Variants in CASR observed in about 807,000 individuals in gnomAD.
CASR encodes the protein extracellular calcium-sensing receptor.
CASR carries 23 observed loss-of-function variants against 69.1 expected under a neutral mutation model. The ratio of observed to expected loss-of-function variants is 0.33; its 90% CI spans 0.24 to 0.47. The LOEUF (loss-of-function observed/expected upper bound fraction) is 0.47. CASR is among the 20% of genes least tolerant of loss of function. The pLI is 1.00. For missense variants in CASR, 924 were observed against 1,356.1 expected (o/e 0.68, Z 5.00); for synonymous variants, 541 against 544.7 (o/e 0.99, Z 0.10).
At chr3:122,192,698 C>CT (rs995465934) in intron 1 of CASR, among the ~76,000 whole-genome samples, 13 of 152,320 alleles carry the variant, frequency 8.5e-5, no homozygotes, top group African/African-American at 3.1e-4. Context: ...GGCTCTCAAA[C>CT]TTTAAGGTGG....
At chr3:122,283,616 C>T in intron 6 of CASR, 71 bp from the exon 7 acceptor site, 1 of 1,244,198 alleles carries the variant, frequency 8.0e-7, no homozygotes, top group East Asian at 2.3e-5. Context: ...GTATTCCCAC[C>T]ACCACATGTA....
At chr3:122,244,874 G>A (rs1420619034) in intron 1 of CASR, among the ~76,000 whole-genome samples, 1 of 152,108 alleles carries the variant, frequency 6.6e-6, no homozygotes, top group Non-Finnish European at 1.5e-5. Context: ...ATATTTCAAA[G>A]GATATACAGT....
intron 1 of CASR, among the ~76,000 whole-genome samples, chr3:122,203,805 A>C (rs2073980242): frequency 6.6e-6 from 1 of 152,220 alleles, no homozygotes; most frequent in South Asian, 2.1e-4. Flanking sequence ...ATGTGATAGG[A>C]ATTTTTTAGC....
In CASR at chr3:122,252,604, C is replaced by T. The variant is rs571332365; in HGVS notation, c.-242-1344C>T. Among the ~76,000 whole-genome samples, 229 of 151,148 alleles carry T rather than the reference C, an allele frequency of 1.5e-3. 1 individual carries two copies. The highest frequency in any genetic ancestry group is 5.3e-3 in the African/African-American group (217 of 41,176). On this transcript the variant is annotated intron_variant, in intron 1 of 6. Transcript: ENST00000639785. The stretch of plus-strand genomic sequence containing the variant: ...GGACTAAAAATAATCTTGGAAATGG[C>T]GAGGAGTAAATGGATTCCAGAGAGA...
At chr3:122,281,686 T>C (rs1375512364) in intron 5 of CASR, among the ~76,000 whole-genome samples, 1 of 152,238 alleles carries the variant, frequency 6.6e-6, no homozygotes, top group Non-Finnish European at 1.5e-5. Flanking sequence ...TAGATTTGTC[T>C]AATATTAGAC....
intron 1 of CASR, among the ~76,000 whole-genome samples, chr3:122,189,110 G>A (rs183002575): frequency 7.0e-4 from 107 of 152,338 alleles, no homozygotes; most frequent in African/African-American, 2.5e-3. Flanking sequence ...AGAGCCAAAT[G>A]AGTGAGATGG....
chr3:122,230,664 A>G (rs1330027052), intron 1 of CASR, among the ~76,000 whole-genome samples: 1 of 152,178 alleles, frequency 6.6e-6, no homozygotes, highest in Non-Finnish European at 1.5e-5. Flanking sequence ...TTCCAAATCC[A>G]GTCTCTTCCA....
intron 1 of CASR, among the ~76,000 whole-genome samples, chr3:122,223,072 G>A (rs751598551): frequency 6.6e-6 from 1 of 152,170 alleles, no homozygotes; most frequent in Non-Finnish European, 1.5e-5. Flanking sequence ...CTAAAGCAGT[G>A]TTAAGAGGAA....
chr3:122,224,119 T>A (rs2074199793), intron 1 of CASR, among the ~76,000 whole-genome samples: 1 of 152,208 alleles, frequency 6.6e-6, no homozygotes, highest in Admixed American at 6.5e-5. Context: ...CATTTTCTCT[T>A]GAGAACTGGA....
At chr3:122,199,152 C>A (rs557356001) in intron 1 of CASR, among the ~76,000 whole-genome samples, 69 of 152,276 alleles carry the variant, frequency 4.5e-4, no homozygotes, top group African/African-American at 1.7e-3. Flanking sequence ...ATACATCTTT[C>A]CCCATACATA....
chr3:122,195,413 C>T (rs560549004), intron 1 of CASR, among the ~76,000 whole-genome samples: 1 of 152,308 alleles, frequency 6.6e-6, no homozygotes, highest in African/African-American at 2.4e-5. Context: ...TTTTTTCTGA[C>T]CCATATTTAT....
chr3:122,205,699 C>T (rs1417067554), intron 1 of CASR, among the ~76,000 whole-genome samples: 2 of 152,046 alleles, frequency 1.3e-5, no homozygotes, highest in Non-Finnish European at 2.9e-5. Flanking sequence ...AATCCATGAG[C>T]ATGGAATAGC....
chr3:122,239,843 C>A (rs990809994), intron 1 of CASR, among the ~76,000 whole-genome samples: 1 of 151,544 alleles, frequency 6.6e-6, no homozygotes, highest in African/African-American at 2.4e-5. Context: ...TCAGAGGAGA[C>A]AAAAGAAAAA....
rs1553766873 is a variant in CASR, at chr3:122,262,214, C to G, written c.1179C>G (p.Pro393=). 2 of 1,614,050 alleles carry G rather than the reference C, an allele frequency of 1.2e-6. No individual in the cohort carries two copies. Among genetic ancestry groups the G allele is most frequent in the Admixed American group, 1.7e-5 (1 of 60,006 alleles). The part of the protein sequence containing the change: ...RFSNSSTAFR[P]LCTGDENISS... ...GCAACAGCTCGACAGCCTTCCGACC[C>G]CTCTGTACAGGGGATGAGAACATCA... Residue 393 remains proline (P), a synonymous_variant, in exon 4 of 7, where the codon CCC becomes CCG. Transcript: ENST00000639785.
chr3:122,183,722 C>G lies in CASR; in HGVS notation c.-333C>G, dbSNP rs2073743462. The G allele has an allele frequency of 6.6e-6, 1 of 152,244 alleles. No homozygotes were observed. Among genetic ancestry groups the G allele is most frequent in the African/African-American group, 2.4e-5 (1 of 41,446 alleles). 9.4% of individuals were successfully genotyped at this position (152,244 alleles called of 1,614,324 possible). A position where few individuals can be genotyped will look rare whatever the true frequency, so the allele number is the denominator to read the frequency against. On this transcript the variant is annotated 5_prime_UTR_variant, in exon 1 of 7. Transcript: ENST00000639785. ...CTGCAGCCAGGAAGGACCGCACGCC[C>G]TTTCGCGCAGGAGAGTGGAAGGAGG...
intron 3 of CASR, among the ~76,000 whole-genome samples, chr3:122,260,840 T>C (rs2074612495): frequency 6.6e-6 from 1 of 152,162 alleles, no homozygotes; most frequent in Non-Finnish European, 1.5e-5. Context: ...GTGGTCTAAT[T>C]GAGCCTAAAA....
chr3:122,262,727 T>C (rs2074642957), intron 4 of CASR, among the ~76,000 whole-genome samples: 1 of 152,252 alleles, frequency 6.6e-6, no homozygotes, highest in Non-Finnish European at 1.5e-5. Context: ...ATTTTTCTAA[T>C]GTCTAAATTA....
At chr3:122,187,345 C>T (rs1200817891) in intron 1 of CASR, among the ~76,000 whole-genome samples, 1 of 152,188 alleles carries the variant, frequency 6.6e-6, no homozygotes, top group East Asian at 1.9e-4. Flanking sequence ...AAAAAAATCA[C>T]CAATTGCACT....
chr3:122,275,759 T>C, intron 4 of CASR, 53 bp from the exon 5 acceptor site: 1 of 1,161,578 alleles, frequency 8.6e-7, no homozygotes. Context: ...GCCTACCTAA[T>C]TAGTTCTATG....
Sources: allele counts gnomAD v4.1 joint callset (sites outside exome capture counted in the v4.1 genomes callset), GRCh38; gene constraint gnomAD v4.1.1; transcripts MANE v1.5; gene names NCBI Gene and HGNC (gene_info 2026-07-23, HGNC 2026-07-21).